The following TANC1 variants were observed in gnomAD, a reference collection of about 807,000 sequenced individuals.
TANC1 encodes tetratricopeptide repeat, ankyrin repeat and coiled-coil containing 1, also known as protein TANC1.
In TANC1, 77 loss-of-function variants were observed where a neutral mutation model predicts 149.7. The ratio of observed to expected loss-of-function variants is 0.51; its 90% CI spans 0.43 to 0.62. The LOEUF is 0.62. Among genes scored for constraint, TANC1 ranks in the 20% least tolerant of loss-of-function variants. The pLI is 0.00. For synonymous variants in TANC1, 854 were observed against 925.0 expected, an observed-to-expected ratio of 0.92 and a Z score of 1.39; for missense variants, 1,985 against 2,321.8, an observed-to-expected ratio of 0.85 and a Z score of 2.98.
chr2:159,011,878 A>G (rs1017806824), intron 2 of TANC1, among the ~76,000 whole-genome samples: 1 of 152,236 alleles, frequency 6.6e-6, no homozygotes, highest in Non-Finnish European at 1.5e-5. Flanking sequence ...ATGTGGGGCC[A>G]GAAGGCTGAC....
intron 1 of TANC1, among the ~76,000 whole-genome samples, chr2:158,975,403 A>C (rs2033529470): frequency 6.6e-6 from 1 of 152,114 alleles, no homozygotes. Context: ...CAGGGAGTGA[A>C]TTTTGATTAA....
At position 159,097,766 on chromosome 2, in the gene TANC1, T is replaced by C. The variant is rs1559254288; in HGVS notation, c.191T>C (p.Leu64Pro). ...VSLAKGVSMS[L>P]PSSPLLPRQS... ...TTGGCCAAAGGTGTCTCGATGTCTC[T>C]GCCTTCCTCACCTTTGCTGCCTCGA... The change falls in exon 4 of 27, where the codon CTG (leucine) becomes CCG (proline). Residue 64 changes from leucine to proline, a missense_variant. This residue lies in a region of TANC1 where 557 missense variants were observed against 612.9 expected (regional missense o/e 0.91). Transcript: ENST00000263635. 2 of 1,614,146 alleles carry C rather than the reference T, an allele frequency of 1.2e-6. No homozygotes were observed. The highest frequency in any genetic ancestry group is 1.7e-5 in the Admixed American group (1 of 60,018).
At position 159,025,138 on chromosome 2, in the gene TANC1, CTTTT is replaced by C. The variant is rs1453712404; in HGVS notation, c.-16+23951_-16+23954del. Among the ~76,000 whole-genome samples the C allele has an allele frequency of 1.2e-4, 18 of 151,638 alleles. No individual in the cohort carries two copies. In the South Asian group the frequency reaches 3.8e-3, roughly 32 times the overall value. On this transcript the variant is annotated intron_variant, in intron 2 of 26. Coordinates refer to ENST00000263635, the MANE Select transcript of TANC1 (RefSeq NM_033394.3). The stretch of plus-strand genomic sequence containing the variant: ...TATAGTTAACTTCCTTTCTTGCTTT[CTTTT>C]TCTTTCTTTCTCTTTCTCTTTTTCT...
intron 4 of TANC1, among the ~76,000 whole-genome samples, chr2:159,102,712 C>CTTTTTTTTTTT (rs755803794): frequency 1.5e-4 from 4 of 27,114 alleles, no homozygotes; most frequent in African/African-American, 3.9e-4. Flanking sequence ...TGGATATTTG[C>CTTTTTTTTTTT]TTTTTTTTTT....
At chr2:159,024,166 T>C (rs1458076948) in intron 2 of TANC1, among the ~76,000 whole-genome samples, 1 of 152,198 alleles carries the variant, frequency 6.6e-6, no homozygotes, top group Non-Finnish European at 1.5e-5. Context: ...TGTTTTTGTA[T>C]ATAGTCATGT....
chr2:159,151,669 C>G (rs920855778), intron 7 of TANC1, among the ~76,000 whole-genome samples: 2 of 152,130 alleles, frequency 1.3e-5, no homozygotes, highest in Admixed American at 1.3e-4. Context: ...TGGAGATTGC[C>G]CCAGAAGGTC....
At chr2:158,969,973 G>C (rs1051836369) in intron 1 of TANC1, among the ~76,000 whole-genome samples, 1 of 152,196 alleles carries the variant, frequency 6.6e-6, no homozygotes, top group Admixed American at 6.5e-5. Flanking sequence ...CGTCCGTACA[G>C]GTTACAAGGT....
At chr2:159,040,581 A>C (rs2040551036) in intron 2 of TANC1, among the ~76,000 whole-genome samples, 1 of 152,174 alleles carries the variant, frequency 6.6e-6, no homozygotes, top group African/African-American at 2.4e-5. Context: ...TGCATCATGT[A>C]GTTCTCGTGC....
intron 3 of TANC1, among the ~76,000 whole-genome samples, chr2:159,076,998 C>A (rs62171071): frequency 4.0e-5 from 6 of 148,462 alleles, no homozygotes; most frequent in African/African-American, 1.5e-4. Context: ...TTTTTTTTTC[C>A]TTTAGATTTT....
intron 25 of TANC1, chr2:159,228,512 G>A (rs2060153618): frequency 7.4e-6 from 3 of 404,156 alleles, no homozygotes; most frequent in Non-Finnish European, 1.4e-5. Context: ...CAGTGTCTGC[G>A]CTCCTCTCTG....
At position 159,226,866 on chromosome 2, in the gene TANC1, A is replaced by T. The variant is rs547674504; in HGVS notation, c.3904-953A>T. ...GTGTCCCAATAAAACTTTATTTGTA[A>T]ACACAGGTGGCTGGCCAGACTTAGT... On this transcript the variant is annotated intron_variant, in intron 24 of 26. Transcript: ENST00000263635. 3 of 152,344 alleles carry T rather than the reference A, an allele frequency of 2.0e-5. No individual in the cohort carries two copies. The South Asian group carries it at 6.2e-4, about 32-fold the overall frequency. 9.4% of individuals were successfully genotyped at this position (152,344 alleles called of 1,614,324 possible).
chr2:159,148,920 C>T (rs898251755), intron 5 of TANC1: 2 of 437,708 alleles, frequency 4.6e-6, no homozygotes, highest in Non-Finnish European at 8.0e-6. Context: ...TCTTCTCACT[C>T]ACCCTTTGCA....
At chr2:159,041,771 T>A (rs1318310514) in intron 2 of TANC1, among the ~76,000 whole-genome samples, 1 of 152,206 alleles carries the variant, frequency 6.6e-6, no homozygotes, top group East Asian at 1.9e-4. Flanking sequence ...CTGCTTTGGC[T>A]TGCCCTCTGT....
At chr2:158,998,222 G>A (rs1360822349) in intron 1 of TANC1, among the ~76,000 whole-genome samples, 10 of 151,728 alleles carry the variant, frequency 6.6e-5, no homozygotes, top group Non-Finnish European at 1.0e-4. Context: ...CTCCAGCCTG[G>A]GGGACAGAGT....
At chr2:159,123,523 C>G (rs886537669) in intron 4 of TANC1, among the ~76,000 whole-genome samples, 3 of 152,102 alleles carry the variant, frequency 2.0e-5, no homozygotes, top group African/African-American at 7.2e-5. Context: ...CCCATATCTC[C>G]CTTCTCACAT....
chr2:159,049,193 T>C (rs2041290873), intron 2 of TANC1, among the ~76,000 whole-genome samples: 2 of 152,238 alleles, frequency 1.3e-5, no homozygotes, highest in Admixed American at 1.3e-4. Flanking sequence ...AGAAATTGTT[T>C]AATTTTCAAA....
chr2:159,194,839 CTCT>C (rs1302617297), intron 17 of TANC1, among the ~76,000 whole-genome samples: 4 of 152,080 alleles, frequency 2.6e-5, no homozygotes, highest in South Asian at 4.1e-4. Flanking sequence ...TTTTTCCCCT[CTCT>C]TCTTCTTATC....
intron 2 of TANC1, among the ~76,000 whole-genome samples, chr2:159,015,686 A>AT (rs1449605314): frequency 6.6e-6 from 1 of 152,006 alleles, no homozygotes; most frequent in African/African-American, 2.4e-5. Flanking sequence ...CTGCTTAGAA[A>AT]TTTTTTCTGT....
chr2:159,036,494 T>C (rs62174279), intron 2 of TANC1, among the ~76,000 whole-genome samples: 10,890 of 152,196 alleles, frequency 0.072, 597 homozygotes, highest in East Asian at 0.16. Context: ...TCTCTCCTAA[T>C]GCCATCCCTC....
Sources: allele counts gnomAD v4.1 joint callset (sites outside exome capture counted in the v4.1 genomes callset), GRCh38; gene constraint gnomAD v4.1.1; regional missense constraint gnomAD v4.1.1; transcripts MANE v1.5; gene names NCBI Gene and HGNC (gene_info 2026-07-23, HGNC 2026-07-21).